Variants in COG4 observed in about 807,000 individuals in gnomAD.
COG4 encodes conserved oligomeric Golgi complex subunit 4.
Under a neutral mutation model 95.1 loss-of-function variants are expected in COG4, and 65 were observed. The ratio of observed to expected loss-of-function variants is 0.68; its 90% confidence interval spans 0.56 to 0.84. The LOEUF is 0.84. COG4 is among the 40% of genes least tolerant of loss of function. The pLI, the probability that COG4 is intolerant of heterozygous loss-of-function variation, is 0.00. For synonymous variants in COG4, 421 were observed against 374.8 expected (o/e 1.12, Z -1.42); for missense variants, 1,045 against 989.1 (o/e 1.06, Z -0.76).
At chr16:70,519,528 A>T (rs2049891483) in intron 2 of COG4, 121 bp downstream of exon 2, 1 of 739,264 alleles carries the variant, frequency 1.4e-6, no homozygotes, top group South Asian at 1.5e-5. Flanking sequence ...TTATCTTGAG[A>T]TAATACCCTT....
chr16:70,485,102 GCTCA>G (rs2049099785), intron 13 of COG4, among the ~76,000 whole-genome samples: 1 of 152,086 alleles, frequency 6.6e-6, no homozygotes, highest in Admixed American at 6.5e-5. Context: ...GAGCATGGTG[GCTCA>G]CTATTGTAAT....
chr16:70,508,835 A>T (rs2049636005), intron 7 of COG4: 1 of 540,072 alleles, frequency 1.9e-6, no homozygotes, highest in South Asian at 1.5e-5. Flanking sequence ...CTGAAAAAGC[A>T]AACGTTATCT....
At chr16:70,517,872 T>C (rs2049857204) in intron 2 of COG4, 132 bp from the exon 3 acceptor site, 1 of 685,282 alleles carries the variant, frequency 1.5e-6, no homozygotes, top group East Asian at 2.7e-5. Flanking sequence ...GTTTGCTCTA[T>C]ACTCAGCTTT....
rs992598542 is a variant in COG4, at chr16:70,498,631, T to C, written c.1196-576A>G. On this transcript the variant is annotated intron_variant, in intron 9 of 18. Transcript: ENST00000323786. ...TGAGCCACCATGCCCGGCCTTATTT[T>C]TAACTTTCATGTTGTTTCATGTGAA... Among the ~76,000 whole-genome samples, 14 of 152,368 alleles carry C rather than the reference T, an allele frequency of 9.2e-5. 1 individual carries two copies. Among genetic ancestry groups the C allele is most frequent in the Admixed American group, 2.0e-4 (3 of 15,302 alleles).
chr16:70,488,897 G>T (rs1428380082), intron 13 of COG4, among the ~76,000 whole-genome samples: 1 of 152,166 alleles, frequency 6.6e-6, no homozygotes, highest in Non-Finnish European at 1.5e-5. Context: ...AAGTACCACT[G>T]CATGCCTCTC....
chr16:70,508,215 G>A (rs567785475), intron 8 of COG4, among the ~76,000 whole-genome samples, 191 bp downstream of exon 8: 10 of 152,180 alleles, frequency 6.6e-5, no homozygotes, highest in Admixed American at 1.3e-4. Context: ...CACCGCGCCC[G>A]GCTGATTATG....
intron 14 of COG4, among the ~76,000 whole-genome samples, chr16:70,483,399 C>T (rs2151739238): frequency 6.6e-6 from 1 of 150,644 alleles, no homozygotes; most frequent in African/African-American, 2.4e-5. Context: ...GAGGTTATAA[C>T]AGAGCTAGTG....
Position 70,481,829 on chromosome 16 carries a change from C to G in COG4, c.2041G>C (p.Gly681Arg), listed in dbSNP as rs547599836. 1 of 1,613,996 alleles carries G rather than the reference C, an allele frequency of 6.2e-7. No individual in the cohort carries two copies. Among genetic ancestry groups the G allele is most frequent in the South Asian group, 1.1e-5 (1 of 91,060 alleles). Residue 681 changes from glycine to arginine, a missense_variant, in exon 17 of 19, where the codon GGC becomes CGC. Transcript: ENST00000323786. Reference sequence around the variant, plus strand: ...ACGGCAACAAGGCTAGTCATGAGGCCGGTTAGGCTGTCGTAGATGACCGGG... The same window carrying G: ...ACGGCAACAAGGCTAGTCATGAGGCGGGTTAGGCTGTCGTAGATGACCGGG... ...LSPVIYDSLT[G>R]LMTSLVAVEL...
chr16:70,497,951 C>T lies in COG4; in HGVS notation c.1300G>A (p.Glu434Lys). The T allele has an allele frequency of 1.9e-6, 3 of 1,584,990 alleles. No individual in the cohort carries two copies. Among genetic ancestry groups the T allele is most frequent in the Non-Finnish European group, 2.6e-6 (3 of 1,153,546 alleles). Reference protein sequence around the residue: ...YVTMEEYFMRETVNKAVALDT... With the variant: ...YVTMEEYFMRKTVNKAVALDT... ...CTATGTCCTACCTTATTGACAGTCT[C>T]CCTCATGAAGTACTCCTCCATGGTA... Residue 434 changes from glutamate to lysine, a missense_variant, in exon 10 of 19, where the codon GAG (glutamate) becomes AAG (lysine). Physicochemically the swap from Glu to Lys is moderately conservative, Grantham distance 56. Coordinates refer to ENST00000323786, the MANE Select transcript of COG4 (RefSeq NM_015386.3).
intron 1 of COG4, chr16:70,523,074 C>T (rs1278825680): frequency 2.3e-6 from 1 of 440,576 alleles, no homozygotes; most frequent in Non-Finnish European, 4.1e-6. Context: ...TTGGCAAATA[C>T]TCTCAGACTA....
intron 1 of COG4, among the ~76,000 whole-genome samples, chr16:70,521,608 C>T (rs2049943667): frequency 6.6e-6 from 1 of 151,946 alleles, no homozygotes; most frequent in Non-Finnish European, 1.5e-5. Context: ...GTACTTATAT[C>T]ATTTTGTCTG....
chr16:70,490,444 C>T, intron 12 of COG4, 52 bp from the exon 13 acceptor site: 1 of 1,451,634 alleles, frequency 6.9e-7, no homozygotes, highest in Non-Finnish European at 9.7e-7. Context: ...TGCCTGCCAC[C>T]CACTCCAATG....
intron 9 of COG4, among the ~76,000 whole-genome samples, chr16:70,500,299 G>T (rs2049421452): frequency 6.7e-6 from 1 of 150,276 alleles, no homozygotes; most frequent in Admixed American, 6.6e-5. Flanking sequence ...ATTATTCCTT[G>T]AAAAATTGTG....
In COG4 at chr16:70,481,878, G is replaced by C; in HGVS notation, c.2005-13C>G. ...GGGACAGGCTGGCCTGCACACAGAG[G>C]GTTGACATCAGCCGAGCCCCACCTA... On this transcript the variant is annotated splice_polypyrimidine_tract_variant and intron_variant, in intron 16 of 18. Transcript: ENST00000323786. 1 of 1,609,728 alleles carries C rather than the reference G, an allele frequency of 6.2e-7. No homozygotes were observed. The highest frequency in any genetic ancestry group is 8.5e-7 in the Non-Finnish European group (1 of 1,176,866).
intron 13 of COG4, among the ~76,000 whole-genome samples, chr16:70,485,125 T>G (rs2049100304): frequency 6.6e-6 from 1 of 151,866 alleles, no homozygotes; most frequent in South Asian, 2.1e-4. Flanking sequence ...ATCCTAGGAC[T>G]TTGTGAGGCC....
At chr16:70,514,905 G>A (rs2049790836) in intron 3 of COG4, among the ~76,000 whole-genome samples, 1 of 151,720 alleles carries the variant, frequency 6.6e-6, no homozygotes, top group Non-Finnish European at 1.5e-5. Flanking sequence ...TAGAGGCAGG[G>A]TTTCATCAAT....
rs529776676 is a variant in COG4 at position 70,517,639 on chromosome 16, A to G, written c.356T>C (p.Leu119Pro). ...TTGATGTATTACCTTGGCCAGGTCA[A>G]GCTGACGAACTTTGCTGGACACATT... The part of the protein sequence containing the change: ...AENVSSKVRQ[L>P]DLAKNRLYQA... Residue 119 changes from leucine (L) to proline (P), a missense_variant, in exon 3 of 19, where the codon CTT (leucine) becomes CCT (proline). Coordinates refer to ENST00000323786, the MANE Select transcript of COG4 (RefSeq NM_015386.3). 2 of 1,602,498 alleles carry G rather than the reference A, an allele frequency of 1.2e-6. No homozygotes were observed. Among genetic ancestry groups the G allele is most frequent in the African/African-American group, 1.3e-5 (1 of 74,694 alleles).
Position 70,512,289 on chromosome 16 carries a change from C to A in COG4, c.688G>T (p.Gly230Cys). ...TTTCTTAATCCCTCCTCATGCAAAC[C>A]CAGCAGTGGGAAGATCTTGAAGAAG... ...ERFFKIFPLL[G>C]LHEEGLRKFS... The change falls in exon 5 of 19, where the codon GGT becomes TGT. Residue 230 changes from glycine to cysteine, a missense_variant. Coordinates refer to ENST00000323786, the MANE Select transcript of COG4 (RefSeq NM_015386.3). 1.9e-6 allele frequency: 3 copies of A among 1,614,150 alleles called. No homozygotes were observed. Among genetic ancestry groups the A allele is most frequent in the Non-Finnish European group, 2.5e-6 (3 of 1,180,018 alleles).
chr16:70,500,131 C>T (rs2049418374), intron 9 of COG4, among the ~76,000 whole-genome samples: 1 of 151,680 alleles, frequency 6.6e-6, no homozygotes, highest in Non-Finnish European at 1.5e-5. Flanking sequence ...CATACCCAGT[C>T]AAAATTTTTA....
Sources: allele counts gnomAD v4.1 joint callset (sites outside exome capture counted in the v4.1 genomes callset), GRCh38; gene constraint gnomAD v4.1.1; transcripts MANE v1.5; gene names NCBI Gene and HGNC (gene_info 2026-07-23, HGNC 2026-07-21).